Variants in ABCC5 observed in about 807,000 individuals in gnomAD.
ABCC5 encodes ATP-binding cassette sub-family C member 5.
Under a neutral mutation model 160.9 loss-of-function variants are expected in ABCC5, and 61 were observed. That is an observed-to-expected ratio of 0.38 (90% CI 0.31 to 0.47). The LOEUF (loss-of-function observed/expected upper bound fraction) is 0.47, where lower values mean the gene tolerates loss of function less well. ABCC5 is among the 20% of genes least tolerant of loss of function. The pLI is 0.99. For missense variants in ABCC5, 1,308 were observed against 1,813.3 expected (o/e 0.72, Z 5.06); for synonymous variants, 666 against 700.6 (o/e 0.95, Z 0.78).
chr3:183,932,259 G>A (rs559620591), intron 26 of ABCC5, among the ~76,000 whole-genome samples: 3 of 152,220 alleles, frequency 2.0e-5, no homozygotes, highest in South Asian at 4.1e-4. Context: ...GCAGAAATAC[G>A]GACTGATTTT....
In ABCC5 at chr3:183,977,996, G is replaced by A. The variant is rs1718373708; in HGVS notation, c.1297-372C>T. ...TCAAACTTCTGACCTCAAGTGATCCGCCCGCCTCGGCCTCCCAAAGTGCTG... is the reference window on the plus strand; with the variant it reads ...TCAAACTTCTGACCTCAAGTGATCCACCCGCCTCGGCCTCCCAAAGTGCTG... On this transcript the variant is annotated intron_variant, in intron 9 of 29. Transcript: ENST00000334444. 3.9e-5 allele frequency among the ~76,000 whole-genome samples: 6 copies of A among 152,054 alleles called. No homozygotes were observed. In the South Asian group the frequency reaches 1.0e-3, roughly 26 times the overall value.
chr3:183,984,798 C>T, intron 5 of ABCC5: 2 of 1,573,308 alleles, frequency 1.3e-6, no homozygotes, highest in East Asian at 2.3e-5. Context: ...GGGCCAAAGC[C>T]CCCTTTTCCT....
intron 5 of ABCC5, chr3:183,984,538 A>C: frequency 8.6e-7 from 1 of 1,165,996 alleles, no homozygotes; most frequent in Non-Finnish European, 1.1e-6. Context: ...GATTAAATTA[A>C]TACCAGATGT....
At chr3:184,012,406 G>C (rs1462131489) in intron 2 of ABCC5, among the ~76,000 whole-genome samples, 1 of 152,116 alleles carries the variant, frequency 6.6e-6, no homozygotes, top group Admixed American at 6.5e-5. Context: ...CTGGCCATGT[G>C]CCAGGTACCA....
intron 1 of ABCC5, among the ~76,000 whole-genome samples, chr3:184,015,995 C>T (rs1553792267): frequency 1.3e-5 from 2 of 152,168 alleles, no homozygotes; most frequent in Non-Finnish European, 2.9e-5. Flanking sequence ...CAGTTTGAAA[C>T]AGAGGAGGTC....
intron 2 of ABCC5, among the ~76,000 whole-genome samples, chr3:183,996,854 C>T (rs1720330394): frequency 6.6e-6 from 1 of 152,362 alleles, no homozygotes; most frequent in East Asian, 1.9e-4. Context: ...TTCCAAGTCA[C>T]ATCCTGTCCC....
chr3:183,979,344 CAA>C (rs574015878), intron 8 of ABCC5, among the ~76,000 whole-genome samples: 53 of 107,572 alleles, frequency 4.9e-4, no homozygotes, highest in Non-Finnish European at 5.1e-4. Flanking sequence ...GGCCTTATCT[CAA>C]AAAAAAAAAA....
chr3:184,002,250 T>G (rs571429313), intron 2 of ABCC5, among the ~76,000 whole-genome samples: 11 of 151,756 alleles, frequency 7.2e-5, no homozygotes, highest in African/African-American at 2.4e-4. Flanking sequence ...AATACAAAAA[T>G]AAGCCGGGTA....
At chr3:183,984,575 A>G in intron 5 of ABCC5, 12 of 1,338,388 alleles carry the variant, frequency 9.0e-6, no homozygotes, top group Non-Finnish European at 1.2e-5. Context: ...GATCCCCACC[A>G]ATCAGATTTT....
At position 183,987,699 on chromosome 3, in the gene ABCC5, C is replaced by G; in HGVS notation, c.591+71G>C. On this transcript the variant is annotated intron_variant, in intron 5 of 29. Coordinates refer to ENST00000334444, the MANE Select transcript of ABCC5 (RefSeq NM_005688.4). This position sits in a 1 kb window ranked among gnomAD's most constrained non-coding sequence, Gnocchi z 4.2. ...CCAAAGCTGAGCACAACCTCTGCAA[C>G]AGAATAAGAGTGTTAGAGCTGGCCG... 2.5e-6 allele frequency: 4 copies of G among 1,603,338 alleles called. No homozygotes were observed. Among genetic ancestry groups the G allele is most frequent in the Non-Finnish European group, 3.4e-6 (4 of 1,173,526 alleles).
At chr3:183,936,668 C>T (rs1396756494) in intron 26 of ABCC5, among the ~76,000 whole-genome samples, 2 of 152,202 alleles carry the variant, frequency 1.3e-5, no homozygotes, top group African/African-American at 2.4e-5. Flanking sequence ...CCACCACGCC[C>T]GGCTAATTTT....
At chr3:183,983,492 C>T (rs1226572025) in intron 5 of ABCC5, 1 of 179,312 alleles carries the variant, frequency 5.6e-6, no homozygotes, top group African/African-American at 2.4e-5. Context: ...AAATAAACAT[C>T]AGCAGTTTAA....
rs1449238062 is a variant in ABCC5 at position 183,982,111 on chromosome 3, G to A, written c.1000-237C>T. Reference sequence around the variant, plus strand: ...GACAAGAAAGTATTTATTCTCAATAGTGACCACAGAGACTGAGTGCTTCCA... The same window carrying A: ...GACAAGAAAGTATTTATTCTCAATAATGACCACAGAGACTGAGTGCTTCCA... On this transcript the variant is annotated intron_variant, in intron 7 of 29. Coordinates refer to ENST00000334444, the MANE Select transcript of ABCC5 (RefSeq NM_005688.4). The surrounding 1 kb of genome is among the most constrained non-coding windows in gnomAD (Gnocchi z 5.2). Among the ~76,000 whole-genome samples, 2 of 152,048 alleles carry A rather than the reference G, an allele frequency of 1.3e-5. No individual in the cohort carries two copies. Among genetic ancestry groups the A allele is most frequent in the South Asian group, 2.1e-4 (1 of 4,816 alleles).
intron 29 of ABCC5, among the ~76,000 whole-genome samples, chr3:183,922,421 G>C (rs1397413716): frequency 6.6e-6 from 1 of 152,084 alleles, no homozygotes; most frequent in Non-Finnish European, 1.5e-5. Context: ...TAAACTGCAG[G>C]GGAGAGAAGT....
rs757448895 is a variant in ABCC5, at chr3:183,949,287, G to A, written c.3227+466C>T. Among the ~76,000 whole-genome samples, 1 of 152,108 alleles carries A rather than the reference G, an allele frequency of 6.6e-6. No homozygotes were observed. Among genetic ancestry groups the A allele is most frequent in the Non-Finnish European group, 1.5e-5 (1 of 68,028 alleles). ...TAAGTTTCACAAATAAACAATACTC[G>A]ATGCTTAAATAAAATCTACTCAAAT... On this transcript the variant is annotated intron_variant, in intron 22 of 29. Coordinates refer to ENST00000334444, the MANE Select transcript of ABCC5 (RefSeq NM_005688.4). The surrounding 1 kb of genome is among the most constrained non-coding windows in gnomAD (Gnocchi z 4.2).
At chr3:183,940,462 GAAAAAAAAAA>G (rs537025178) in intron 25 of ABCC5, among the ~76,000 whole-genome samples, 28 of 64,618 alleles carry the variant, frequency 4.3e-4, no homozygotes, top group Admixed American at 1.3e-3. Flanking sequence ...TCTGTCTCAG[GAAAAAAAAAA>G]AAAAAAAAAA....
At position 183,963,397 on chromosome 3, in the gene ABCC5, G is replaced by T; in HGVS notation, c.2223C>A (p.Thr741=). 1 of 1,614,224 alleles carries T rather than the reference G, an allele frequency of 6.2e-7. No individual in the cohort carries two copies. Among genetic ancestry groups the T allele is most frequent in the Non-Finnish European group, 8.5e-7 (1 of 1,180,038 alleles). The part of the protein sequence containing the change: ...HLKSKTVLFV[T]HQLQYLVDCD... ...GAAAGAACCATACCTGTAACTGGTG[G>T]GTAACAAACAGAACTGTCTTGGACT... Residue 741 remains threonine, a synonymous_variant, in exon 15 of 30, where the codon ACC becomes ACA. Transcript: ENST00000334444. The surrounding 1 kb of genome is among the most constrained non-coding windows in gnomAD (Gnocchi z 4.6).
chr3:183,972,134 AATGACCCAATATTCCAC>A, intron 10 of ABCC5: 1 of 839,490 alleles, frequency 1.2e-6, no homozygotes, highest in South Asian at 1.4e-5. Flanking sequence ...GGGCCTTATC[AATGACCCAATATTCCAC>A]ATGACAAATT....
intron 20 of ABCC5, among the ~76,000 whole-genome samples, chr3:183,950,722 T>C (rs1356752309): frequency 2.0e-5 from 3 of 152,256 alleles, no homozygotes; most frequent in Non-Finnish European, 4.4e-5. Flanking sequence ...GGGAACATGT[T>C]ATGTATCAGT....
Sources: allele counts gnomAD v4.1 joint callset (sites outside exome capture counted in the v4.1 genomes callset), GRCh38; gene constraint gnomAD v4.1.1; non-coding constraint Gnocchi (gnomAD v3.1); transcripts MANE v1.5; gene names NCBI Gene and HGNC (gene_info 2026-07-23, HGNC 2026-07-21).